TMBIM4: variants seen among roughly 807,000 people sequenced by gnomAD.
TMBIM4 encodes transmembrane BAX inhibitor motif containing 4, also known as protein lifeguard 4.
A neutral mutation model predicts 27.7 loss-of-function variants in TMBIM4; 28 were observed. The observed-to-expected ratio is 1.01, with a 90% CI of 0.75 to 1.38. The LOEUF (loss-of-function observed/expected upper bound fraction) is 1.38. Ranked by LOEUF, TMBIM4 falls within the 40% of genes most tolerant of loss-of-function variation. TMBIM4 has a pLI of 0.00. For synonymous variants in TMBIM4, 115 were observed against 113.1 expected (o/e 1.02, Z -0.11); for missense variants, 265 against 277.5 (o/e 0.95, Z 0.32).
chr12:66,146,936 T>G (rs2051761682), intron 4 of TMBIM4, among the ~76,000 whole-genome samples: 1 of 152,188 alleles, frequency 6.6e-6, no homozygotes, highest in South Asian at 2.1e-4. Flanking sequence ...GTTCTCAGAT[T>G]ACCTCATCTA....
At chr12:66,150,653 C>T (rs1212139619) in intron 3 of TMBIM4, among the ~76,000 whole-genome samples, 1 of 152,040 alleles carries the variant, frequency 6.6e-6, no homozygotes, top group Non-Finnish European at 1.5e-5. Context: ...ACTCAAGCAA[C>T]ATGCCTGCCC....
chr12:66,165,269 AC>A, intron 1 of TMBIM4, among the ~76,000 whole-genome samples: 1 of 152,276 alleles, frequency 6.6e-6, no homozygotes, highest in Middle Eastern at 3.4e-3. Context: ...TCTAAAAAAA[AC>A]AACAAAGTTG....
intron 5 of TMBIM4, chr12:66,139,613 CAG>C: frequency 4.4e-6 from 2 of 455,996 alleles, no homozygotes; most frequent in Non-Finnish European, 8.8e-6. Flanking sequence ...GACAAGAATT[CAG>C]AGGTCAGGGA....
intron 1 of TMBIM4, among the ~76,000 whole-genome samples, chr12:66,164,685 C>T (rs985944609): frequency 6.6e-5 from 10 of 152,176 alleles, no homozygotes; most frequent in African/African-American, 2.4e-4. Flanking sequence ...AGGAATAAGA[C>T]AAGGACGTTT....
At chr12:66,141,691 T>C (rs978125575) in intron 5 of TMBIM4, among the ~76,000 whole-genome samples, 2 of 152,090 alleles carry the variant, frequency 1.3e-5, no homozygotes, top group African/African-American at 4.8e-5. Flanking sequence ...GGTTGCTATA[T>C]TAATAACAAA....
intron 1 of TMBIM4, chr12:66,168,654 T>C (rs992859452): frequency 6.6e-6 from 1 of 152,470 alleles, no homozygotes; most frequent in African/African-American, 2.4e-5. Flanking sequence ...CAATCAACTC[T>C]TTCTGTACCT....
At chr12:66,157,206 T>C (rs542000827) in intron 1 of TMBIM4, among the ~76,000 whole-genome samples, 2 of 152,270 alleles carry the variant, frequency 1.3e-5, no homozygotes, top group African/African-American at 4.8e-5. Context: ...CCATTAAGAA[T>C]GCATACTCAG....
chr12:66,153,303 T>C (rs752717309), intron 2 of TMBIM4, 37 bp downstream of exon 2: 1 of 1,194,020 alleles, frequency 8.4e-7, no homozygotes, highest in South Asian at 1.3e-5. Flanking sequence ...TCATATGCAA[T>C]GTCTGAAAAT....
chr12:66,142,451 T>A (rs547154688), intron 5 of TMBIM4, among the ~76,000 whole-genome samples: 2 of 150,570 alleles, frequency 1.3e-5, no homozygotes, highest in African/African-American at 4.9e-5. Flanking sequence ...GTTTCATGGA[T>A]GCATCAAGCT....
chr12:66,139,821 T>C, intron 5 of TMBIM4: 1 of 454,004 alleles, frequency 2.2e-6, no homozygotes, highest in Non-Finnish European at 4.4e-6. Flanking sequence ...ATCCTCAGAG[T>C]TCACACAGGA....
intron 5 of TMBIM4, 69 bp downstream of exon 5, chr12:66,145,772 C>T (rs1592537932): frequency 3.3e-6 from 3 of 910,448 alleles, no homozygotes; most frequent in Middle Eastern, 2.2e-4. Context: ...CAGTGTAGCA[C>T]ATTCCTCAAA....
At chr12:66,165,536 G>A (rs1592557608) in intron 1 of TMBIM4, among the ~76,000 whole-genome samples, 2 of 151,810 alleles carry the variant, frequency 1.3e-5, no homozygotes, top group South Asian at 2.1e-4. Context: ...TCCCACCTTG[G>A]CCTCCAAAAG....
intron 1 of TMBIM4, among the ~76,000 whole-genome samples, chr12:66,156,497 A>C (rs1399712545): frequency 1.3e-5 from 2 of 150,364 alleles, no homozygotes; most frequent in Non-Finnish European, 2.9e-5. Flanking sequence ...TCTCACCTGG[A>C]CCACTGGAGG....
rs765685858 is a variant in TMBIM4 at position 66,138,127 on chromosome 12, C to T, written c.550G>A (p.Ala184Thr). 66 of 1,613,586 alleles carry T rather than the reference C, an allele frequency of 4.1e-5. No homozygotes were observed. The highest frequency in any genetic ancestry group is 1.8e-4 in the Admixed American group (11 of 59,960). ...CCACAGAAAAGAAGGGCTCCTGCAG[C>T]GGCTAAGACCAACTCCATTATCTCA... The part of the protein sequence containing the change: ...YSEIMELVLA[A>T]AGALLFCGFI... The change falls in exon 7 of 7, where the codon GCT becomes ACT. Residue 184 changes from alanine (A) to threonine (T), a missense_variant. Physicochemically the swap from Ala to Thr is moderately conservative, Grantham distance 58. Coordinates refer to ENST00000358230, the MANE Select transcript of TMBIM4 (RefSeq NM_016056.4).
chr12:66,139,876 G>GT (rs2136843503), intron 5 of TMBIM4, among the ~76,000 whole-genome samples: 1 of 152,250 alleles, frequency 6.6e-6, no homozygotes, highest in East Asian at 1.9e-4. Flanking sequence ...GAAAGACCTC[G>GT]TAAGACATGC....
At chr12:66,152,497 A>T (rs1405552528) in intron 2 of TMBIM4, 121 bp from the exon 3 acceptor site, 2 of 564,780 alleles carry the variant, frequency 3.5e-6, no homozygotes, top group African/African-American at 1.9e-5. Flanking sequence ...AAAATCTGGA[A>T]TGATCCACAC....
intron 5 of TMBIM4, 139 bp from the exon 6 acceptor site, chr12:66,138,908 T>A: frequency 8.2e-7 from 1 of 1,214,602 alleles, no homozygotes; most frequent in African/African-American, 1.6e-5. Context: ...TTTGTAAACA[T>A]ACAATGAATA....
intron 4 of TMBIM4, 104 bp downstream of exon 4, chr12:66,147,801 TATG>T (rs1370944562): frequency 2.5e-6 from 2 of 797,308 alleles, no homozygotes; most frequent in Non-Finnish European, 3.9e-6. Flanking sequence ...ATTTCTGAAA[TATG>T]ATATTCCATG....
At chr12:66,149,630 C>G (rs1248768016) in intron 3 of TMBIM4, among the ~76,000 whole-genome samples, 1 of 152,070 alleles carries the variant, frequency 6.6e-6, no homozygotes, top group African/African-American at 2.4e-5. Context: ...ATGATAATGT[C>G]CCTTTAAAAC....
Sources: allele counts gnomAD v4.1 joint callset (sites outside exome capture counted in the v4.1 genomes callset), GRCh38; gene constraint gnomAD v4.1.1; transcripts MANE v1.5; gene names NCBI Gene and HGNC (gene_info 2026-07-23, HGNC 2026-07-21).